Variants in VAV2 observed in about 807,000 individuals in gnomAD.
The protein encoded by VAV2 is vav guanine nucleotide exchange factor 2, also known as guanine nucleotide exchange factor VAV2.
In VAV2, 67 loss-of-function variants were observed where a neutral mutation model predicts 132.5. The ratio of observed to expected loss-of-function variants is 0.51; its 90% confidence interval spans 0.42 to 0.62. The LOEUF is 0.62. Among genes scored for constraint, VAV2 ranks in the 20% least tolerant of loss-of-function variants. The pLI is 0.00. For synonymous variants in VAV2, 492 were observed against 443.5 expected (o/e 1.11, Z -1.37); for missense variants, 938 against 1,153.6 (o/e 0.81, Z 2.71).
chr9:133,846,879 G>T (rs1836955510), intron 3 of VAV2, among the ~76,000 whole-genome samples: 1 of 152,248 alleles, frequency 6.6e-6, no homozygotes, highest in African/African-American at 2.4e-5. Context: ...AGGCCACTGG[G>T]CAGGGGCTCC....
chr9:133,793,209 G>A lies in VAV2; in HGVS notation c.1102-1340C>T, dbSNP rs1245934463. 4.6e-5 allele frequency among the ~76,000 whole-genome samples: 7 copies of A among 152,260 alleles called. No individual in the cohort carries two copies. In the South Asian group the frequency reaches 1.5e-3, roughly 32 times the overall value. On this transcript the variant is annotated intron_variant, in intron 12 of 29. Coordinates refer to ENST00000371850, the MANE Select transcript of VAV2 (RefSeq NM_001134398.2). ...CCCACTTCAGTCCAGAAAACGCAGT[G>A]TCCAGACCTGGCCCACAGCGGAACC...
At chr9:133,909,286 A>G (rs1232886043) in intron 2 of VAV2, among the ~76,000 whole-genome samples, 1 of 152,184 alleles carries the variant, frequency 6.6e-6, no homozygotes, top group Admixed American at 6.5e-5. Context: ...GCCTCCCCCA[A>G]GTCCCTGGCC....
chr9:133,763,747 C>T lies in VAV2; in HGVS notation c.*315G>A, dbSNP rs187278649. 4.5e-5 allele frequency: 18 copies of T among 397,018 alleles called. No individual in the cohort carries two copies. The highest frequency in any genetic ancestry group is 2.7e-4 in the African/African-American group (13 of 48,780). The allele number at this position is 397,018 out of a possible 1,614,324, so 24.6% of individuals were successfully genotyped here. A position where few individuals can be genotyped will look rare whatever the true frequency, so the allele number is the denominator to read the frequency against. On this transcript the variant is annotated 3_prime_UTR_variant, in exon 30 of 30. Coordinates refer to ENST00000371850, the MANE Select transcript of VAV2 (RefSeq NM_001134398.2). The surrounding 1 kb of genome is among the most constrained non-coding windows in gnomAD (Gnocchi z 6.8). ...GCCATCTCAGTTGGACAGGGGCAGG[C>T]GATGGGCCTCTGGCCTCAGCCACTA...
At chr9:133,940,672 CGTGTGTGTGT>C (rs60265901) in intron 1 of VAV2, among the ~76,000 whole-genome samples, 90 of 139,358 alleles carry the variant, frequency 6.5e-4, no homozygotes, top group African/African-American at 2.1e-3. Flanking sequence ...TGTCCACGTG[CGTGTGTGTGT>C]GTGTGTGTGT....
chr9:133,864,639 G>T (rs1837729275), intron 2 of VAV2, among the ~76,000 whole-genome samples: 1 of 152,236 alleles, frequency 6.6e-6, no homozygotes, highest in Non-Finnish European at 1.5e-5. Flanking sequence ...CACAGGCTCT[G>T]GGGCCTGGGA....
intron 3 of VAV2, among the ~76,000 whole-genome samples, chr9:133,854,258 C>G (rs2131847511): frequency 6.8e-6 from 1 of 146,634 alleles, no homozygotes; most frequent in South Asian, 2.2e-4. Context: ...CTCATCTGCA[C>G]ACACACACGC....
At chr9:133,967,474 C>T (rs1198361965) in intron 1 of VAV2, among the ~76,000 whole-genome samples, 6 of 152,162 alleles carry the variant, frequency 3.9e-5, no homozygotes, top group Non-Finnish European at 5.9e-5. Flanking sequence ...TAGCACTATT[C>T]ACAATCAACC....
intron 3 of VAV2, among the ~76,000 whole-genome samples, chr9:133,851,952 C>G (rs140427830): frequency 1.5e-5 from 2 of 131,258 alleles, no homozygotes; most frequent in African/African-American, 3.4e-5. Context: ...TGGATGGATA[C>G]ATGGATGTAT....
At position 133,809,999 on chromosome 9, in the gene VAV2, G is replaced by A. The variant is rs140081238; in HGVS notation, c.567+192C>T. On this transcript the variant is annotated intron_variant, in intron 6 of 29. Transcript: ENST00000371850. Reference sequence around the variant, plus strand: ...CCAGGCTGCAGGTCTCTAAGGCAACGTGCAAGATGGGGCTGTGGGTACAGG... The same window carrying A: ...CCAGGCTGCAGGTCTCTAAGGCAACATGCAAGATGGGGCTGTGGGTACAGG... Among the ~76,000 whole-genome samples the A allele has an allele frequency of 1.5e-3, 231 of 152,328 alleles. 1 individual carries two copies. Among genetic ancestry groups the A allele is most frequent in the African/African-American group, 5.1e-3 (214 of 41,584 alleles).
Position 133,961,016 on chromosome 9 carries a change from C to A in VAV2, c.205-21797G>T, listed in dbSNP as rs1588176300. 6.6e-6 allele frequency among the ~76,000 whole-genome samples: 1 copy of A among 152,206 alleles called. No homozygotes were observed. The highest frequency in any genetic ancestry group is 1.5e-5 in the Non-Finnish European group (1 of 68,038). On this transcript the variant is annotated intron_variant, in intron 1 of 29. Transcript: ENST00000371850. This position sits in a 1 kb window ranked among gnomAD's most constrained non-coding sequence, Gnocchi z 4.1. ...ACCACAGGTCTGCCGCCTTGCAATGCGACGCCTGCCTGGGAGCGCAGGTGA... is the reference window on the plus strand; with the variant it reads ...ACCACAGGTCTGCCGCCTTGCAATGAGACGCCTGCCTGGGAGCGCAGGTGA...
intron 21 of VAV2, 127 bp from the exon 22 acceptor site, chr9:133,779,016 T>C: frequency 8.2e-7 from 1 of 1,226,928 alleles, no homozygotes; most frequent in South Asian, 1.5e-5. Flanking sequence ...TGCGCCTGCA[T>C]CTCCCTTCCC....
At chr9:133,924,938 T>A (rs1384968343) in intron 2 of VAV2, among the ~76,000 whole-genome samples, 2 of 152,228 alleles carry the variant, frequency 1.3e-5, no homozygotes, top group Admixed American at 1.3e-4. Context: ...AACCTGAAAC[T>A]TCACGCTCAG....
chr9:133,874,705 C>T (rs1433924458), intron 2 of VAV2, among the ~76,000 whole-genome samples: 2 of 152,176 alleles, frequency 1.3e-5, no homozygotes, highest in Admixed American at 6.5e-5. Context: ...ACCTCCTGCG[C>T]TGCTTCTTCC....
intron 22 of VAV2, among the ~76,000 whole-genome samples, chr9:133,777,685 A>G (rs1182064975): frequency 6.6e-6 from 1 of 152,060 alleles, no homozygotes; most frequent in Non-Finnish European, 1.5e-5. Context: ...ACAGCACCAA[A>G]GCACCTCCAC....
In VAV2 at chr9:133,804,406, G is replaced by A. The variant is rs1410729419; in HGVS notation, c.836+1675C>T. On this transcript the variant is annotated intron_variant, in intron 9 of 29. Transcript: ENST00000371850. This position sits in a 1 kb window ranked among gnomAD's most constrained non-coding sequence, Gnocchi z 4.5. ...GACGTGCTGCCCGCACTGCAGTGGC[G>A]CTCCAAGGCAGAGATGCCCGCTGTT... Among the ~76,000 whole-genome samples, 2 of 152,226 alleles carry A rather than the reference G, an allele frequency of 1.3e-5. No homozygotes were observed. The highest frequency in any genetic ancestry group is 6.5e-5 in the Admixed American group (1 of 15,286).
rs918738480 is a variant in VAV2 at position 133,875,600 on chromosome 9, C to T, written c.322-14168G>A. On this transcript the variant is annotated intron_variant, in intron 2 of 29. Transcript: ENST00000371850. ...AGGCACAGACTGCCCGGCACTGCAGCGCACGGCAGGACTGACCCTGCCAGT... is the reference window on the plus strand; with the variant it reads ...AGGCACAGACTGCCCGGCACTGCAGTGCACGGCAGGACTGACCCTGCCAGT... Among the ~76,000 whole-genome samples the T allele has an allele frequency of 9.2e-5, 14 of 152,354 alleles. No individual in the cohort carries two copies. In the East Asian group the frequency reaches 1.7e-3, roughly 19 times the overall value.
Position 133,826,779 on chromosome 9 carries a change from C to T in VAV2, c.449+7493G>A, listed in dbSNP as rs543039626. On this transcript the variant is annotated intron_variant, in intron 4 of 29. Coordinates refer to ENST00000371850, the MANE Select transcript of VAV2 (RefSeq NM_001134398.2). The surrounding 1 kb of genome is among the most constrained non-coding windows in gnomAD (Gnocchi z 4.2). The stretch of plus-strand genomic sequence containing the variant: ...TCCCTTCAATTCCCCTAAGAATTCT[C>T]GGGGACCTCTGACCTGCCGGCACCA... 4.6e-5 allele frequency among the ~76,000 whole-genome samples: 7 copies of T among 152,284 alleles called. No homozygotes were observed. Among genetic ancestry groups the T allele is most frequent in the South Asian group, 2.1e-4 (1 of 4,822 alleles).
intron 9 of VAV2, among the ~76,000 whole-genome samples, chr9:133,799,037 G>C (rs1834830765): frequency 6.6e-6 from 1 of 152,238 alleles, no homozygotes; most frequent in Non-Finnish European, 1.5e-5. Context: ...ACCCGGCCTG[G>C]GGCTCGGGGC....
intron 2 of VAV2, among the ~76,000 whole-genome samples, chr9:133,908,680 A>T (rs1839764963): frequency 6.6e-6 from 1 of 152,250 alleles, no homozygotes; most frequent in Non-Finnish European, 1.5e-5. Flanking sequence ...AGCAGGCTGT[A>T]GTGGGTCTGC....
Sources: allele counts gnomAD v4.1 joint callset (sites outside exome capture counted in the v4.1 genomes callset), GRCh38; gene constraint gnomAD v4.1.1; non-coding constraint Gnocchi (gnomAD v3.1); transcripts MANE v1.5; gene names NCBI Gene and HGNC (gene_info 2026-07-23, HGNC 2026-07-21).